Variants in ADPGK observed in about 807,000 individuals in gnomAD.
ADPGK encodes the protein ADP-dependent glucokinase.
A neutral mutation model predicts 42.4 loss-of-function variants in ADPGK; 26 were observed. The observed-to-expected ratio is 0.61, with a 90% confidence interval of 0.45 to 0.85. ADPGK has a LOEUF of 0.85. Ranked by LOEUF, ADPGK falls within the 40% of genes least tolerant of loss-of-function variation. ADPGK has a pLI of 0.00. For synonymous variants in ADPGK, 267 were observed against 252.6 expected, an observed-to-expected ratio of 1.06 and a Z score of -0.54; for missense variants, 571 against 627.0, an observed-to-expected ratio of 0.91 and a Z score of 0.95.
In ADPGK at chr15:72,773,455, G is replaced by A. The variant is rs78355183; in HGVS notation, c.459+1417C>T. 9.5e-3 allele frequency among the ~76,000 whole-genome samples: 1,452 copies of A among 152,244 alleles called. 27 individuals carry two copies. The highest frequency in any genetic ancestry group is 0.033 in the African/African-American group (1,368 of 41,532). On this transcript the variant is annotated intron_variant, in intron 2 of 6. Transcript: ENST00000456471. ...GAAAATAGTAAGATATCTACAAAGT[G>A]GATTTCAGAATTTTCATATAATGTT...
chr15:72,766,521 A>AT (rs2066262111), intron 3 of ADPGK, among the ~76,000 whole-genome samples: 1 of 152,284 alleles, frequency 6.6e-6, no homozygotes, highest in Non-Finnish European at 1.5e-5. Flanking sequence ...GATTGTTAAC[A>AT]TTTTTTGGCA....
At chr15:72,753,368 T>G (rs1233914305) in intron 6 of ADPGK, among the ~76,000 whole-genome samples, 1 of 152,234 alleles carries the variant, frequency 6.6e-6, no homozygotes, top group African/African-American at 2.4e-5. Flanking sequence ...GCATACAGTT[T>G]CATGTTAGAG....
chr15:72,783,109 G>C (rs2066487643), intron 1 of ADPGK: 1 of 653,030 alleles, frequency 1.5e-6, no homozygotes, highest in African/African-American at 1.9e-5. Context: ...TGTCATAGTG[G>C]GTAAGGTCAA....
chr15:72,757,861 C>T, intron 4 of ADPGK: 1 of 487,418 alleles, frequency 2.1e-6, no homozygotes, highest in African/African-American at 1.9e-5. Context: ...AGAAAGGAGC[C>T]ACACTGTATT....
intron 1 of ADPGK, chr15:72,783,091 A>T (rs2066487235): frequency 4.0e-6 from 2 of 497,164 alleles, no homozygotes; most frequent in Non-Finnish European, 5.4e-6. Flanking sequence ...AAGAAAGAGG[A>T]AGAGTGTTGT....
At chr15:72,766,203 C>G (rs554168126) in intron 3 of ADPGK, among the ~76,000 whole-genome samples, 49 of 152,190 alleles carry the variant, frequency 3.2e-4, no homozygotes, top group Non-Finnish European at 5.4e-4. Context: ...GTTGCCCAGG[C>G]TCAAGTGATC....
intron 4 of ADPGK, among the ~76,000 whole-genome samples, chr15:72,759,814 C>T (rs1429229678): frequency 2.6e-5 from 4 of 152,248 alleles, no homozygotes; most frequent in South Asian, 4.1e-4. Flanking sequence ...GCCTAATCTA[C>T]GTAACATATA....
intron 1 of ADPGK, chr15:72,783,097 G>C (rs1268510467): frequency 1.3e-5 from 7 of 543,528 alleles, no homozygotes; most frequent in Non-Finnish European, 1.7e-5. Flanking sequence ...GAGGAAGAGT[G>C]TTGTCATAGT....
Position 72,752,683 on chromosome 15 carries a change from C to T in ADPGK, c.1152G>A (p.Leu384=). ...SDLTRIHFHT[L]VYHILATVDG... ...CCACAGTTGCCAGGATGTGGTAGAC[C>T]AGCGTGTGGAAATGGATCCTGGTGA... The change falls in exon 7 of 7, where the codon CTG becomes CTA. Residue 384 remains leucine (L), a synonymous_variant. Coordinates refer to ENST00000456471, the MANE Select transcript of ADPGK (RefSeq NM_001365225.1). 6.2e-7 allele frequency: 1 copy of T among 1,614,194 alleles called. No individual in the cohort carries two copies.
chr15:72,776,261 T>C (rs2066390991), intron 1 of ADPGK, among the ~76,000 whole-genome samples: 1 of 152,184 alleles, frequency 6.6e-6, no homozygotes, highest in Non-Finnish European at 1.5e-5. Context: ...GTTCAAATAA[T>C]TAAGGTAGCT....
chr15:72,777,607 G>A (rs2066405750), intron 1 of ADPGK, among the ~76,000 whole-genome samples: 1 of 152,004 alleles, frequency 6.6e-6, no homozygotes, highest in Non-Finnish European at 1.5e-5. Context: ...GAACCCGGGA[G>A]GTGGAGGTTG....
intron 4 of ADPGK, chr15:72,758,061 T>A: frequency 6.2e-7 from 1 of 1,609,276 alleles, no homozygotes; most frequent in African/African-American, 1.3e-5. Context: ...AACAGTGCCA[T>A]TACCTCCAAG....
chr15:72,756,094 G>A (rs750581657), intron 5 of ADPGK, 157 bp downstream of exon 5: 2 of 813,248 alleles, frequency 2.5e-6, no homozygotes, highest in African/African-American at 3.4e-5. Flanking sequence ...ATACAGTGAG[G>A]TGCCTCACTG....
chr15:72,756,509 G>A, intron 4 of ADPGK, 62 bp from the exon 5 acceptor site: 1 of 1,574,786 alleles, frequency 6.4e-7, no homozygotes, highest in Non-Finnish European at 8.6e-7. Context: ...TCCTAGCTGT[G>A]GGGGCACTTT....
chr15:72,760,320 G>A, intron 4 of ADPGK, 87 bp downstream of exon 4: 4 of 1,416,664 alleles, frequency 2.8e-6, no homozygotes, highest in Non-Finnish European at 3.8e-6. Context: ...AATTTACAAA[G>A]ATAAATTTCC....
At chr15:72,767,442 A>ATC (rs1368662122) in intron 3 of ADPGK, among the ~76,000 whole-genome samples, 1 of 152,018 alleles carries the variant, frequency 6.6e-6, no homozygotes, top group Non-Finnish European at 1.5e-5. Flanking sequence ...AATCAACTTC[A>ATC]TCTAATTGAC....
Position 72,755,661 on chromosome 15 carries a change from AGAG to A in ADPGK, c.841-10_841-8del. 1 of 1,597,096 alleles carries A rather than the reference AGAG, an allele frequency of 6.3e-7. No homozygotes were observed. The highest frequency in any genetic ancestry group is 8.6e-7 in the Non-Finnish European group (1 of 1,164,798). On this transcript the variant is annotated splice_polypyrimidine_tract_variant and splice_region_variant and intron_variant, in intron 5 of 6. Coordinates refer to ENST00000456471, the MANE Select transcript of ADPGK (RefSeq NM_001365225.1). The stretch of plus-strand genomic sequence containing the variant: ...CAGAAATGGAGGTTACAACCTGCAA[AGAG>A]AAGAAGATAAGCACTGCCATTAGAA...
At chr15:72,777,736 C>T (rs1444294535) in intron 1 of ADPGK, among the ~76,000 whole-genome samples, 1 of 151,982 alleles carries the variant, frequency 6.6e-6, no homozygotes, top group African/African-American at 2.4e-5. Context: ...TCTAGTACTG[C>T]TGAGATTTTA....
At chr15:72,756,019 G>A (rs1264822326) in intron 5 of ADPGK, 4 of 688,326 alleles carry the variant, frequency 5.8e-6, no homozygotes, top group Non-Finnish European at 2.7e-6. Flanking sequence ...AGCACAGGAT[G>A]CAGAGGCTCA....
Sources: gnomAD v4.1 joint callset for allele counts (sites outside exome capture counted in the v4.1 genomes callset) on GRCh38, gnomAD v4.1.1 for gene constraint, MANE v1.5 for transcripts, NCBI Gene and HGNC (gene_info 2026-07-23, HGNC 2026-07-21) for gene names.